PDE10A: variants seen among roughly 807,000 people sequenced by gnomAD.
The protein encoded by PDE10A is phosphodiesterase 10A.
PDE10A carries 39 observed loss-of-function variants against 97.7 expected under a neutral mutation model. The observed-to-expected ratio is 0.40, with a 90% confidence interval of 0.31 to 0.52. PDE10A has a LOEUF of 0.52. PDE10A is among the 20% of genes least tolerant of loss of function. PDE10A has a pLI of 0.56. For missense variants in PDE10A, 731 were observed against 1,047.8 expected (o/e 0.70, Z 4.17); for synonymous variants, 371 against 376.8 (o/e 0.98, Z 0.18).
chr6:165,691,096 T>TCC (rs1791263704), intron 1 of PDE10A, among the ~76,000 whole-genome samples: 2 of 35,702 alleles, frequency 5.6e-5, no homozygotes, highest in East Asian at 5.0e-4. Context: ...TCTCTCTCTC[T>TCC]CTTTCTCTCT....
intron 3 of PDE10A, among the ~76,000 whole-genome samples, chr6:165,456,215 A>G (rs1422449279): frequency 6.6e-6 from 1 of 152,214 alleles, no homozygotes; most frequent in African/African-American, 2.4e-5. Context: ...AAGCTAGCCT[A>G]AAAGAAAGCT....
intron 1 of PDE10A, among the ~76,000 whole-genome samples, chr6:165,658,783 G>A (rs1489256099): frequency 6.6e-6 from 1 of 152,228 alleles, no homozygotes; most frequent in Non-Finnish European, 1.5e-5. Flanking sequence ...GAAGCTGGGT[G>A]CCTGAGGAGG....
intron 1 of PDE10A, among the ~76,000 whole-genome samples, chr6:165,909,526 G>A (rs563830912): frequency 3.9e-5 from 6 of 152,194 alleles, no homozygotes; most frequent in Admixed American, 6.5e-5. Flanking sequence ...GGCCTGATAC[G>A]TCACAGAGGT....
At chr6:165,729,405 G>A (rs529909013) in intron 1 of PDE10A, among the ~76,000 whole-genome samples, 2 of 152,164 alleles carry the variant, frequency 1.3e-5, no homozygotes, top group Non-Finnish European at 2.9e-5. Flanking sequence ...AATCTTCTTA[G>A]ACATGGAGAG....
chr6:165,768,332 A>G (rs969412289), intron 1 of PDE10A, among the ~76,000 whole-genome samples: 6 of 152,020 alleles, frequency 3.9e-5, no homozygotes, highest in Middle Eastern at 3.2e-3. Context: ...TTTAAGTGTC[A>G]TATCTAAGAA....
chr6:165,898,286 G>C (rs1782011938), intron 1 of PDE10A, among the ~76,000 whole-genome samples: 1 of 152,162 alleles, frequency 6.6e-6, no homozygotes, highest in South Asian at 2.1e-4. Flanking sequence ...AGCTCTGCCT[G>C]AACCAGAGTA....
At chr6:165,469,548 A>C (rs1271276186) in intron 3 of PDE10A, among the ~76,000 whole-genome samples, 2 of 152,244 alleles carry the variant, frequency 1.3e-5, no homozygotes, top group African/African-American at 4.8e-5. Context: ...TGCCTGAAGA[A>C]GATATTTCAA....
chr6:165,356,669 G>A (rs568403835), intron 18 of PDE10A, among the ~76,000 whole-genome samples: 22 of 151,968 alleles, frequency 1.4e-4, no homozygotes, highest in African/African-American at 4.8e-4. Flanking sequence ...TTATATTTAG[G>A]TCTCTCATCC....
chr6:165,383,719 T>G (rs1006652452), intron 17 of PDE10A, among the ~76,000 whole-genome samples: 18 of 151,912 alleles, frequency 1.2e-4, no homozygotes, highest in Admixed American at 1.2e-3. Context: ...TCAGAAGAAG[T>G]GGGAAGCTAA....
chr6:165,763,389 C>G lies in PDE10A; in HGVS notation c.-614-219821G>C, dbSNP rs972815155. ...CCAGGCTGGAACGCAGTGGCATGAT[C>G]TCGGCTCACTGCAACCTCTGCCTCC... is the stretch of plus-strand genomic sequence containing the variant. On this transcript the variant is annotated intron_variant, in intron 1 of 19. Coordinates refer to the PDE10A transcript ENST00000366882. 3.9e-5 allele frequency among the ~76,000 whole-genome samples: 6 copies of G among 152,324 alleles called. No individual in the cohort carries two copies. The East Asian group carries it at 1.2e-3, about 29-fold the overall frequency.
intron 1 of PDE10A, among the ~76,000 whole-genome samples, chr6:165,584,978 CTTA>C (rs1249126987): frequency 6.6e-6 from 1 of 152,148 alleles, no homozygotes; most frequent in Non-Finnish European, 1.5e-5. Context: ...ATGAGTATTT[CTTA>C]TTTTGTTATT....
At chr6:165,631,258 A>G (rs1788614514) in intron 1 of PDE10A, among the ~76,000 whole-genome samples, 1 of 151,818 alleles carries the variant, frequency 6.6e-6, no homozygotes, top group Non-Finnish European at 1.5e-5. Flanking sequence ...AACAATTGCA[A>G]ATGACATGAT....
intron 1 of PDE10A, among the ~76,000 whole-genome samples, chr6:165,560,137 A>G (rs1355096250): frequency 1.3e-5 from 2 of 152,234 alleles, no homozygotes; most frequent in Admixed American, 6.5e-5. Flanking sequence ...AGATTATCCA[A>G]CTGGGCCTGG....
chr6:165,477,450 G>T (rs989042949), intron 3 of PDE10A, among the ~76,000 whole-genome samples: 1 of 152,176 alleles, frequency 6.6e-6, no homozygotes, highest in Non-Finnish European at 1.5e-5. Flanking sequence ...AATGCCATGA[G>T]CGCAGGGATT....
chr6:165,397,755 ACTTT>A (rs1329095348), intron 13 of PDE10A, among the ~76,000 whole-genome samples: 2 of 151,530 alleles, frequency 1.3e-5, no homozygotes, highest in Non-Finnish European at 2.9e-5. Context: ...GAGTAAAGAT[ACTTT>A]CTTTATTTCA....
At chr6:165,374,705 T>C (rs990827965) in intron 18 of PDE10A, among the ~76,000 whole-genome samples, 10 of 152,038 alleles carry the variant, frequency 6.6e-5, no homozygotes, top group African/African-American at 2.4e-4. Flanking sequence ...CAGGCATACA[T>C]TGTTTTATTG....
At chr6:165,446,126 G>A (rs1790831568) in intron 5 of PDE10A, among the ~76,000 whole-genome samples, 1 of 152,148 alleles carries the variant, frequency 6.6e-6, no homozygotes, top group South Asian at 2.1e-4. Flanking sequence ...TTTAAAAACA[G>A]TATCTTTATT....
At chr6:165,773,920 C>T (rs1778089158) in intron 1 of PDE10A, among the ~76,000 whole-genome samples, 1 of 151,898 alleles carries the variant, frequency 6.6e-6, no homozygotes, top group South Asian at 2.1e-4. Flanking sequence ...TCATATGATT[C>T]AAACAAGTAT....
intron 1 of PDE10A, among the ~76,000 whole-genome samples, chr6:165,593,671 C>T (rs1786416574): frequency 6.6e-6 from 1 of 152,052 alleles, no homozygotes; most frequent in Admixed American, 6.5e-5. Context: ...TCTAGTAAAC[C>T]TTTATGTTTT....
Sources: allele counts gnomAD v4.1 joint callset (sites outside exome capture counted in the v4.1 genomes callset), GRCh38; gene constraint gnomAD v4.1.1; transcripts MANE v1.5; gene names NCBI Gene and HGNC (gene_info 2026-07-23, HGNC 2026-07-21).